The following SLC30A7 variants were observed in gnomAD, a reference collection of about 807,000 sequenced individuals.
SLC30A7 encodes zinc transporter 7.
Under a neutral mutation model 46.0 loss-of-function variants are expected in SLC30A7, and 35 were observed. The ratio of observed to expected loss-of-function variants is 0.76; its 90% CI spans 0.58 to 1.01. SLC30A7 has a LOEUF of 1.01. Among genes scored for constraint, SLC30A7 ranks in the 50% least tolerant of loss-of-function variants. The probability of loss-of-function intolerance (pLI) is 0.00; values close to 1 mark genes in which losing one functional copy is unlikely to be tolerated. For missense variants in SLC30A7, 464 were observed against 451.1 expected, an observed-to-expected ratio of 1.03 and a Z score of -0.26; for synonymous variants, 147 against 157.8, an observed-to-expected ratio of 0.93 and a Z score of 0.51.
intron 10 of SLC30A7, among the ~76,000 whole-genome samples, chr1:100,967,753 G>T (rs1201164200): frequency 6.6e-6 from 1 of 152,182 alleles, no homozygotes; most frequent in African/African-American, 2.4e-5. Flanking sequence ...GGAGAAAAAG[G>T]TAGGGGATAA....
chr1:100,953,840 A>T (rs1303940776), intron 8 of SLC30A7, among the ~76,000 whole-genome samples: 1 of 152,198 alleles, frequency 6.6e-6, no homozygotes, highest in East Asian at 1.9e-4. Context: ...AAGAGAAGAG[A>T]TTCTATTAAG....
Position 100,900,089 on chromosome 1 carries a change from A to C in SLC30A7, c.182+3418A>C, listed in dbSNP as rs1651210348. 2.0e-5 allele frequency among the ~76,000 whole-genome samples: 3 copies of C among 152,258 alleles called. No individual in the cohort carries two copies. The South Asian group carries it at 6.2e-4, about 32-fold the overall frequency. On this transcript the variant is annotated intron_variant, in intron 2 of 10. Transcript: ENST00000357650. ...TGAGGCCTAGAGTTTTTTACTTCCC[A>C]AGTGAGCAGCAGAGCCTACAGCACC...
chr1:100,992,625 T>C, the SLC30A7 span: 2 of 1,597,086 alleles, frequency 1.3e-6, no homozygotes, highest in Non-Finnish European at 8.6e-7. Context: ...GCCCTTCTAG[T>C]GTCTTGAGTA....
intron 10 of SLC30A7, chr1:100,972,325 A>C (rs1656202199): frequency 3.2e-6 from 1 of 315,574 alleles, no homozygotes; most frequent in African/African-American, 2.3e-5. Flanking sequence ...AGCTGTCCTC[A>C]TCGGGCCAGA....
chr1:100,954,481 T>C (rs919613155), intron 8 of SLC30A7, among the ~76,000 whole-genome samples: 1 of 152,158 alleles, frequency 6.6e-6, no homozygotes, highest in African/African-American at 2.4e-5. Flanking sequence ...TTTACAAATT[T>C]GACATTATAC....
intron 8 of SLC30A7, among the ~76,000 whole-genome samples, chr1:100,926,376 G>C (rs1557988038): frequency 1.3e-5 from 2 of 152,124 alleles, no homozygotes; most frequent in South Asian, 4.1e-4. Context: ...TCCTGGGGAG[G>C]CCTCAGGAAT....
intron 2 of SLC30A7, among the ~76,000 whole-genome samples, chr1:100,899,818 C>CGT (rs1651187913): frequency 7.1e-6 from 1 of 140,144 alleles, no homozygotes; most frequent in African/African-American, 2.5e-5. Flanking sequence ...AAGGTGTGCA[C>CGT]ATTTTTTTTT....
At chr1:100,910,979 G>A in intron 3 of SLC30A7, 84 bp from the exon 4 acceptor site, 1 of 1,070,262 alleles carries the variant, frequency 9.3e-7, no homozygotes, top group East Asian at 2.6e-5. Flanking sequence ...AATATGGTTT[G>A]GAATCTCTGA....
intron 8 of SLC30A7, among the ~76,000 whole-genome samples, chr1:100,947,337 G>A (rs145465902): frequency 7.6e-4 from 115 of 152,288 alleles, no homozygotes; most frequent in Non-Finnish European, 1.4e-3. Flanking sequence ...TCAGGAACAG[G>A]TTGTTCAGTT....
chr1:100,928,862 T>C (rs1483723289), intron 8 of SLC30A7, among the ~76,000 whole-genome samples: 1 of 152,172 alleles, frequency 6.6e-6, no homozygotes. Context: ...ATTATTAAGC[T>C]TGGTCAGCAT....
At chr1:100,918,788 A>G (rs1652758798) in intron 7 of SLC30A7, among the ~76,000 whole-genome samples, 1 of 152,192 alleles carries the variant, frequency 6.6e-6, no homozygotes, top group African/African-American at 2.4e-5. Flanking sequence ...GTACAGTATC[A>G]GTTGTTTACC....
At chr1:100,910,458 A>T (rs1446995225) in intron 3 of SLC30A7, among the ~76,000 whole-genome samples, 2 of 152,164 alleles carry the variant, frequency 1.3e-5, no homozygotes, top group Non-Finnish European at 2.9e-5. Context: ...GCTAAAATTG[A>T]TTCTAAAAAT....
chr1:100,970,447 A>G (rs548894949), intron 10 of SLC30A7, among the ~76,000 whole-genome samples: 1 of 152,160 alleles, frequency 6.6e-6, no homozygotes, highest in South Asian at 2.1e-4. Context: ...ACTGCTAAAG[A>G]AGTTGGCTTG....
chr1:100,969,097 A>G (rs1254134358), intron 10 of SLC30A7, among the ~76,000 whole-genome samples: 1 of 152,208 alleles, frequency 6.6e-6, no homozygotes, highest in Non-Finnish European at 1.5e-5. Context: ...TGTAATCAAG[A>G]CATACACTAC....
Position 100,953,192 on chromosome 1 carries a change from C to T in SLC30A7, c.843-8636C>T, listed in dbSNP as rs1456806128. 2.0e-5 allele frequency among the ~76,000 whole-genome samples: 3 copies of T among 152,288 alleles called. No individual in the cohort carries two copies. The East Asian group carries it at 5.8e-4, about 29-fold the overall frequency. ...TTCCTGAGGCCTCCTACTCATGCTT[C>T]CTGTTAAGCCTGTGGAACTGTGAGT... On this transcript the variant is annotated intron_variant, in intron 8 of 10. Transcript: ENST00000357650.
intron 8 of SLC30A7, among the ~76,000 whole-genome samples, chr1:100,939,694 A>G (rs1654226985): frequency 6.6e-6 from 1 of 151,318 alleles, no homozygotes. Context: ...AAAAAAATAC[A>G]AAAAATTAGC....
intron 8 of SLC30A7, among the ~76,000 whole-genome samples, chr1:100,938,730 T>C (rs537437807): frequency 3.8e-4 from 58 of 152,332 alleles, no homozygotes; most frequent in African/African-American, 1.4e-3. Flanking sequence ...ACATAGCAGC[T>C]TACCTTTCCA....
chr1:100,946,374 AG>A (rs1423894672), intron 8 of SLC30A7, among the ~76,000 whole-genome samples: 1 of 152,216 alleles, frequency 6.6e-6, no homozygotes, highest in Non-Finnish European at 1.5e-5. Flanking sequence ...CGGTTTTCAA[AG>A]GAAATGCTTC....
intron 8 of SLC30A7, among the ~76,000 whole-genome samples, chr1:100,932,186 G>A (rs1570548551): frequency 6.6e-6 from 1 of 152,046 alleles, no homozygotes; most frequent in African/African-American, 2.4e-5. Flanking sequence ...AGGCCGAGGC[G>A]GGTAGATCAC....
Sources: gnomAD v4.1 joint callset for allele counts (sites outside exome capture counted in the v4.1 genomes callset) on GRCh38, gnomAD v4.1.1 for gene constraint, MANE v1.5 for transcripts, NCBI Gene and HGNC (gene_info 2026-07-23, HGNC 2026-07-21) for gene names.